IFRD1: variants seen among roughly 807,000 people sequenced by gnomAD.
IFRD1 encodes the protein interferon-related developmental regulator 1.
Under a neutral mutation model 52.9 loss-of-function variants are expected in IFRD1, and 35 were observed. That is an observed-to-expected ratio of 0.66 (90% confidence interval 0.51 to 0.88). The LOEUF (loss-of-function observed/expected upper bound fraction) is 0.88. IFRD1 is among the 40% of genes least tolerant of loss of function. The pLI, the probability that IFRD1 is intolerant of heterozygous loss-of-function variation, is 0.00. For missense variants in IFRD1, 517 were observed against 550.8 expected (o/e 0.94, Z 0.61); for synonymous variants, 184 against 188.4 (o/e 0.98, Z 0.19).
At chr7:112,440,541 T>C (rs1472787959) in intron 1 of IFRD1, among the ~76,000 whole-genome samples, 2 of 152,220 alleles carry the variant, frequency 1.3e-5, no homozygotes, top group East Asian at 3.8e-4. Context: ...CTGGATTGGT[T>C]CACAATAAAT....
chr7:112,429,539 C>T (rs1794502397), intron 1 of IFRD1, among the ~76,000 whole-genome samples: 1 of 152,152 alleles, frequency 6.6e-6, no homozygotes, highest in Admixed American at 6.5e-5. Flanking sequence ...ACCACATTGC[C>T]ACCTGATAAA....
At chr7:112,448,865 G>T (rs1329009980), upstream of IFRD1, among the ~76,000 whole-genome samples, 1 of 152,186 alleles carries the variant, frequency 6.6e-6, no homozygotes, top group Non-Finnish European at 1.5e-5. Flanking sequence ...GGGAGGAAAG[G>T]CATTACAAGA....
chr7:112,430,565 G>A (rs1015295399), intron 1 of IFRD1, among the ~76,000 whole-genome samples: 5 of 152,126 alleles, frequency 3.3e-5, no homozygotes, highest in Non-Finnish European at 5.9e-5. Flanking sequence ...CAAATGACAT[G>A]AGCCCTGATT....
At chr7:112,456,565 T>C (rs1274205189) in intron 3 of IFRD1, among the ~76,000 whole-genome samples, 5 of 150,414 alleles carry the variant, frequency 3.3e-5, no homozygotes, top group Non-Finnish European at 7.4e-5. Flanking sequence ...TTCTAGACTT[T>C]TATAGTTTTA....
At position 112,459,006 on chromosome 7, in the gene IFRD1, G is replaced by C; in HGVS notation, c.555G>C (p.Gln185His). The change falls in exon 5 of 12, where the codon CAG becomes CAC. Residue 185 changes from glutamine (Q) to histidine (H), a missense_variant. Coordinates refer to ENST00000403825, the MANE Select transcript of IFRD1 (RefSeq NM_001550.4). ...KIICDGSASM[Q>H]ARQTCATCFG... Reference sequence around the variant, plus strand: ...TTTGTGATGGGTCAGCTAGTATGCAGGCTAGGCAAACTGTAAGTATAAGAT... The same window carrying C: ...TTTGTGATGGGTCAGCTAGTATGCACGCTAGGCAAACTGTAAGTATAAGAT... 3 of 1,613,470 alleles carry C rather than the reference G, an allele frequency of 1.9e-6. No homozygotes were observed. Among genetic ancestry groups the C allele is most frequent in the Non-Finnish European group, 2.5e-6 (3 of 1,179,490 alleles).
rs975152435 is a variant in IFRD1, at chr7:112,475,863, C to A, written c.*344C>A. 5.0e-6 allele frequency: 1 copy of A among 200,254 alleles called. No individual in the cohort carries two copies. The highest frequency in any genetic ancestry group is 2.4e-5 in the African/African-American group (1 of 42,190). The allele number at this position is 200,254 out of a possible 1,614,324, so 12.4% of individuals were successfully genotyped here. A position where few individuals can be genotyped will look rare whatever the true frequency, so the allele number is the denominator to read the frequency against. On this transcript the variant is annotated 3_prime_UTR_variant, in exon 12 of 12. Transcript: ENST00000403825. ...TACTGATTTACTATAATGATATATA[C>A]ATGCAAGATATTTAACTTAATATCT...
chr7:112,463,883 CACACACACACA>C (rs374357431), intron 8 of IFRD1, among the ~76,000 whole-genome samples: 37,821 of 94,956 alleles, frequency 0.4, 5,497 homozygotes, highest in Middle Eastern at 0.51. Flanking sequence ...CACACACACA[CACACACACACA>C]CCCCACGTAT....
At chr7:112,452,565 C>T (rs920488379) in intron 1 of IFRD1, 4 of 493,724 alleles carry the variant, frequency 8.1e-6, no homozygotes, top group Middle Eastern at 9.8e-4. Flanking sequence ...AGTTTGAAAG[C>T]TAAAGTTTGA....
intron 11 of IFRD1, 97 bp from the exon 12 acceptor site, chr7:112,475,333 T>G: frequency 1.4e-6 from 1 of 722,326 alleles, no homozygotes; most frequent in Non-Finnish European, 2.4e-6. Context: ...AGGGTCAAAT[T>G]AGTTCATTTC....
At chr7:112,431,915 TC>T (rs1794555847) in intron 1 of IFRD1, among the ~76,000 whole-genome samples, 1 of 152,188 alleles carries the variant, frequency 6.6e-6, no homozygotes, top group Non-Finnish European at 1.5e-5. Flanking sequence ...AAATATTTTG[TC>T]CATTTTGGCG....
At chr7:112,445,066 T>C (rs963969333) in intron 1 of IFRD1, among the ~76,000 whole-genome samples, 18 of 141,868 alleles carry the variant, frequency 1.3e-4, no homozygotes, top group South Asian at 4.4e-4. Context: ...GGCTTTCTTT[T>C]TTTTTTTTTT....
intron 5 of IFRD1, chr7:112,461,602 A>G (rs569822948): frequency 4.2e-6 from 1 of 240,700 alleles, no homozygotes; most frequent in South Asian, 1.5e-4. Flanking sequence ...GATTTTATGG[A>G]TCAATAAAAG....
intron 1 of IFRD1, 42 bp from the exon 2 acceptor site, chr7:112,455,721 T>C: frequency 6.2e-6 from 8 of 1,288,948 alleles, no homozygotes; most frequent in Non-Finnish European, 9.0e-6. Context: ...TTTAGGTATA[T>C]GGCAATAAAA....
intron 1 of IFRD1, among the ~76,000 whole-genome samples, chr7:112,440,897 A>T (rs780869653): frequency 4.6e-5 from 7 of 152,166 alleles, no homozygotes; most frequent in Non-Finnish European, 7.3e-5. Flanking sequence ...GTACTTTGGG[A>T]CGCCAAGGTG....
intron 8 of IFRD1, among the ~76,000 whole-genome samples, chr7:112,462,675 C>T (rs1249486978): frequency 2.0e-5 from 3 of 152,234 alleles, no homozygotes; most frequent in Non-Finnish European, 4.4e-5. Flanking sequence ...TATGAAACTG[C>T]TTGAATTTCT....
chr7:112,450,407 G>A (rs892017777), upstream of IFRD1: 1 of 486,544 alleles, frequency 2.1e-6, no homozygotes, highest in African/African-American at 2.0e-5. Context: ...CGCCCACAGA[G>A]TGACGTCAGG....
rs554065817 is a variant in IFRD1 at position 112,473,916 on chromosome 7, C to A, written c.1266+1055C>A. ...AGCAGTCACTTCCCTTGTGCTACCC[C>A]CCGCCACTGGCAACCGCTAATCTGC... On this transcript the variant is annotated intron_variant, in intron 11 of 11. Coordinates refer to ENST00000403825, the MANE Select transcript of IFRD1 (RefSeq NM_001550.4). Among the ~76,000 whole-genome samples, 7 of 152,314 alleles carry A rather than the reference C, an allele frequency of 4.6e-5. 1 individual carries two copies. In the South Asian group the frequency reaches 6.2e-4, roughly 14 times the overall value.
chr7:112,452,677 T>C (rs1206047639), intron 1 of IFRD1, among the ~76,000 whole-genome samples: 6 of 152,234 alleles, frequency 3.9e-5, no homozygotes, highest in Non-Finnish European at 7.3e-5. Flanking sequence ...TTATAGTACC[T>C]ATACAGGCCT....
chr7:112,430,284 C>G (rs560557260), intron 1 of IFRD1, among the ~76,000 whole-genome samples: 1 of 152,200 alleles, frequency 6.6e-6, no homozygotes, highest in Non-Finnish European at 1.5e-5. Flanking sequence ...TTATCCCAAG[C>G]CTCCTGATTG....
Sources: allele counts gnomAD v4.1 joint callset (sites outside exome capture counted in the v4.1 genomes callset), GRCh38; gene constraint gnomAD v4.1.1; transcripts MANE v1.5; gene names NCBI Gene and HGNC (gene_info 2026-07-23, HGNC 2026-07-21).